Variants in SV2B observed in about 807,000 individuals in gnomAD.
SV2B encodes the protein solute carrier family 22 member B2.
A neutral mutation model predicts 73.9 loss-of-function variants in SV2B; 41 were observed. The ratio of observed to expected loss-of-function variants is 0.56; its 90% CI spans 0.43 to 0.72. The LOEUF (loss-of-function observed/expected upper bound fraction) is 0.72, where lower values mean the gene tolerates loss of function less well. SV2B is among the 30% of genes least tolerant of loss of function. The pLI is 0.00. For missense variants in SV2B, 764 were observed against 857.8 expected, an observed-to-expected ratio of 0.89 and a Z score of 1.37; for synonymous variants, 314 against 314.2, an observed-to-expected ratio of 1.00 and a Z score of 0.01.
rs561948468 is a variant in SV2B, at chr15:91,134,364, AG to A, written c.-392+34003del. On this transcript the variant is annotated intron_variant, in intron 1 of 12. Transcript: ENST00000394232. ...AGGGACCTCTTTGCATTTTCTGATA[AG>A]GATGTTGCTACAATTCAGAATCCAT... is the stretch of plus-strand genomic sequence containing the variant. 7.6e-4 allele frequency among the ~76,000 whole-genome samples: 116 copies of A among 152,294 alleles called. 2 individuals are homozygous for A. The highest frequency in any genetic ancestry group is 3.4e-3 in the Middle Eastern group (1 of 294).
chr15:91,276,811 A>G (rs866406387), intron 9 of SV2B, among the ~76,000 whole-genome samples: 16 of 147,504 alleles, frequency 1.1e-4, no homozygotes, highest in African/African-American at 3.5e-4. Context: ...TGTTGTTATT[A>G]TTATTATTAT....
intron 1 of SV2B, among the ~76,000 whole-genome samples, chr15:91,162,657 G>GA (rs1007560435): frequency 6.6e-6 from 1 of 152,198 alleles, no homozygotes; most frequent in African/African-American, 2.4e-5. Context: ...AGCTCTGAGG[G>GA]AAAAATCAGG....
At chr15:91,162,802 C>T (rs533692691) in intron 1 of SV2B, among the ~76,000 whole-genome samples, 9 of 152,198 alleles carry the variant, frequency 5.9e-5, no homozygotes, top group Admixed American at 2.0e-4. Flanking sequence ...TTAAGTTCTA[C>T]GGTATATATG....
rs1285650262 is a variant in SV2B at position 91,179,799 on chromosome 15, C to A, written c.-391-46074C>A. Among the ~76,000 whole-genome samples the A allele has an allele frequency of 7.9e-5, 12 of 152,196 alleles. No homozygotes were observed. In the South Asian group the frequency reaches 8.3e-4, roughly 11 times the overall value. Reference sequence around the variant, plus strand: ...GCCTATGTGTGTCTCTGCCCGTGAGCTGGGTTTCCTGAATACAGCACACTG... The same window carrying A: ...GCCTATGTGTGTCTCTGCCCGTGAGATGGGTTTCCTGAATACAGCACACTG... On this transcript the variant is annotated intron_variant, in intron 1 of 12. Coordinates refer to ENST00000394232, the MANE Select transcript of SV2B (RefSeq NM_001323032.3).
intron 1 of SV2B, among the ~76,000 whole-genome samples, chr15:91,193,114 C>T (rs977842118): frequency 6.6e-6 from 1 of 152,206 alleles, no homozygotes; most frequent in Non-Finnish European, 1.5e-5. Flanking sequence ...TTTGTTTGCT[C>T]AATATTGTTC....
At chr15:91,160,126 T>C (rs1291051905) in intron 1 of SV2B, among the ~76,000 whole-genome samples, 2 of 152,146 alleles carry the variant, frequency 1.3e-5, no homozygotes, top group Admixed American at 1.3e-4. Flanking sequence ...ATCATAAATA[T>C]AAAAATCCCT....
At chr15:91,184,325 CTATT>C (rs1346897911) in intron 1 of SV2B, among the ~76,000 whole-genome samples, 2 of 152,152 alleles carry the variant, frequency 1.3e-5, no homozygotes, top group Non-Finnish European at 2.9e-5. Flanking sequence ...ATTCCGACCT[CTATT>C]TACCAGATTT....
rs911748349 is a variant in SV2B at position 91,137,683 on chromosome 15, T to TAC, written c.-392+37334_-392+37335dup. The stretch of plus-strand genomic sequence containing the variant: ...TATATACATATATTTCATATATATA[T>TAC]ACACACACACACACATTTGCACAGG... On this transcript the variant is annotated intron_variant, in intron 1 of 12. Coordinates refer to ENST00000394232, the MANE Select transcript of SV2B (RefSeq NM_001323032.3). This position sits in a 1 kb window ranked among gnomAD's most constrained non-coding sequence, Gnocchi z 4.9. Among the ~76,000 whole-genome samples, 9 of 148,302 alleles carry TAC rather than the reference T, an allele frequency of 6.1e-5. No individual in the cohort carries two copies. Among genetic ancestry groups the TAC allele is most frequent in the African/African-American group, 9.8e-5 (4 of 40,714 alleles).
chr15:91,192,872 C>T (rs2045094493), intron 1 of SV2B, among the ~76,000 whole-genome samples: 1 of 152,200 alleles, frequency 6.6e-6, no homozygotes, highest in South Asian at 2.1e-4. Flanking sequence ...TTCCAGGCAC[C>T]TGCTGTGCAG....
intron 1 of SV2B, among the ~76,000 whole-genome samples, chr15:91,219,414 G>A (rs1237964575): frequency 6.6e-6 from 1 of 152,130 alleles, no homozygotes; most frequent in Non-Finnish European, 1.5e-5. Context: ...ATAGACTCCA[G>A]GATGCTTGCC....
At chr15:91,278,290 A>T (rs2048560506) in intron 9 of SV2B, among the ~76,000 whole-genome samples, 1 of 152,028 alleles carries the variant, frequency 6.6e-6, no homozygotes, top group Non-Finnish European at 1.5e-5. Context: ...AGGAGAAGAA[A>T]ATTGTTTGAG....
At chr15:91,243,826 T>C (rs1478055268) in intron 2 of SV2B, among the ~76,000 whole-genome samples, 1 of 152,194 alleles carries the variant, frequency 6.6e-6, no homozygotes, top group Admixed American at 6.5e-5. Context: ...CTCCCTGATC[T>C]GCCTGTAGAC....
intron 1 of SV2B, among the ~76,000 whole-genome samples, chr15:91,202,715 A>G (rs1022532259): frequency 6.6e-6 from 1 of 152,082 alleles, no homozygotes. Context: ...AAGAAACAGG[A>G]CTGGCCAGAG....
At position 91,289,238 on chromosome 15, in the gene SV2B, C is replaced by T. The variant is rs543195892; in HGVS notation, c.1709-283C>T. 6.6e-6 allele frequency among the ~76,000 whole-genome samples: 1 copy of T among 152,308 alleles called. No homozygotes were observed. Among genetic ancestry groups the T allele is most frequent in the East Asian group, 1.9e-4 (1 of 5,178 alleles). ...TTCTCAACAAATGCCCCTATCTGCCCCGTCCCGTCACTCTGAGCTGGGCAC... is the reference window on the plus strand; with the variant it reads ...TTCTCAACAAATGCCCCTATCTGCCTCGTCCCGTCACTCTGAGCTGGGCAC... On this transcript the variant is annotated intron_variant, in intron 11 of 12. Coordinates refer to ENST00000394232, the MANE Select transcript of SV2B (RefSeq NM_001323032.3). The surrounding 1 kb of genome is among the most constrained non-coding windows in gnomAD (Gnocchi z 4.9).
chr15:91,151,925 C>G (rs1474695610), intron 1 of SV2B, among the ~76,000 whole-genome samples: 2 of 152,106 alleles, frequency 1.3e-5, no homozygotes, highest in African/African-American at 4.8e-5. Flanking sequence ...AGTAGTTACT[C>G]AAAGAAGGTT....
At chr15:91,119,320 C>T (rs759021075) in intron 1 of SV2B, among the ~76,000 whole-genome samples, 2 of 152,156 alleles carry the variant, frequency 1.3e-5, no homozygotes, top group Non-Finnish European at 2.9e-5. Flanking sequence ...TCATTTGAGA[C>T]GCGAGTACAG....
chr15:91,220,131 A>G lies in SV2B; in HGVS notation c.-391-5742A>G, dbSNP rs1299314636. Among the ~76,000 whole-genome samples the G allele has an allele frequency of 6.6e-6, 1 of 152,218 alleles. No individual in the cohort carries two copies. Among genetic ancestry groups the G allele is most frequent in the Non-Finnish European group, 1.5e-5 (1 of 68,030 alleles). ...TTATTTATCTTGGGTAGATTCTCAG[A>G]ATGGAACTGCTGGGTTATTTGGTAA... On this transcript the variant is annotated intron_variant, in intron 1 of 12. Transcript: ENST00000394232. The surrounding 1 kb of genome is among the most constrained non-coding windows in gnomAD (Gnocchi z 4.1).
At position 91,121,150 on chromosome 15, in the gene SV2B, A is replaced by G. The variant is rs1412956390; in HGVS notation, c.-392+20787A>G. On this transcript the variant is annotated intron_variant, in intron 1 of 12. Coordinates refer to ENST00000394232, the MANE Select transcript of SV2B (RefSeq NM_001323032.3). The surrounding 1 kb of genome is among the most constrained non-coding windows in gnomAD (Gnocchi z 4.4). The stretch of plus-strand genomic sequence containing the variant: ...CGTTTCATTTTTTTTTCTCTTTGAA[A>G]TAAAAAAGTGTTAAGGTAAGGCTAA... Among the ~76,000 whole-genome samples the G allele has an allele frequency of 6.6e-6, 1 of 152,128 alleles. No homozygotes were observed. Among genetic ancestry groups the G allele is most frequent in the East Asian group, 1.9e-4 (1 of 5,192 alleles).
Position 91,124,873 on chromosome 15 carries a change from C to T in SV2B, c.-392+24510C>T, listed in dbSNP as rs1176367597. Among the ~76,000 whole-genome samples, 3 of 152,100 alleles carry T rather than the reference C, an allele frequency of 2.0e-5. No individual in the cohort carries two copies. Among genetic ancestry groups the T allele is most frequent in the South Asian group, 2.1e-4 (1 of 4,824 alleles). ...TTCACCATGTTGGCCAGGCTGGTCT[C>T]GAACTCCTGACTTCAAGTGATCCAC... On this transcript the variant is annotated intron_variant, in intron 1 of 12. Transcript: ENST00000394232. This position sits in a 1 kb window ranked among gnomAD's most constrained non-coding sequence, Gnocchi z 4.6.
Sources: allele counts gnomAD v4.1 joint callset (sites outside exome capture counted in the v4.1 genomes callset), GRCh38; gene constraint gnomAD v4.1.1; non-coding constraint Gnocchi (gnomAD v3.1); transcripts MANE v1.5; gene names NCBI Gene and HGNC (gene_info 2026-07-23, HGNC 2026-07-21).